The following SPP1 variants were observed in gnomAD, a reference collection of about 807,000 sequenced individuals.
SPP1 encodes the protein osteopontin.
A neutral mutation model predicts 20.8 loss-of-function variants in SPP1; 18 were observed. The ratio of observed to expected loss-of-function variants is 0.87; its 90% CI spans 0.60 to 1.29. SPP1 has a LOEUF of 1.29. SPP1 is among the 50% of genes most tolerant of loss of function. SPP1 has a pLI of 0.00. For synonymous variants in SPP1, 146 were observed against 141.5 expected, an observed-to-expected ratio of 1.03 and a Z score of -0.23; for missense variants, 363 against 389.0, an observed-to-expected ratio of 0.93 and a Z score of 0.56.
chr4:87,982,920 A>C lies in SPP1; in HGVS notation c.*24A>C. The C allele has an allele frequency of 6.4e-7, 1 of 1,560,248 alleles. No individual in the cohort carries two copies. The highest frequency in any genetic ancestry group is 8.6e-7 in the Non-Finnish European group (1 of 1,156,676). On this transcript the variant is annotated 3_prime_UTR_variant, in exon 7 of 7. Transcript: ENST00000395080. ...AAAAGGAGAAAAAATACAATTTCTC[A>C]CTTTGCATTTAGTCAAAAGAAAAAA...
At position 87,980,404 on chromosome 4, in the gene SPP1, C is replaced by A; in HGVS notation, c.186C>A (p.Ser62=). 6.2e-7 allele frequency: 1 copy of A among 1,614,140 alleles called. No individual in the cohort carries two copies. Among genetic ancestry groups the A allele is most frequent in the Non-Finnish European group, 8.5e-7 (1 of 1,180,012 alleles). ...CATTCCTTCTTCAGAATGCTGTGTC[C>A]TCTGAAGAAACCAATGACTTTAAAC... ...QNLLAPQNAV[S]SEETNDFKQE... Residue 62 remains serine, a synonymous_variant, in exon 5 of 7, where the codon TCC becomes TCA. Transcript: ENST00000395080.
In SPP1 at chr4:87,976,959, G is replaced by A. The variant is rs1725403975; in HGVS notation, c.54+10G>A. The A allele has an allele frequency of 1.2e-6, 2 of 1,613,688 alleles. No homozygotes were observed. Among genetic ancestry groups the A allele is most frequent in the Non-Finnish European group, 1.7e-6 (2 of 1,179,642 alleles). On this transcript the variant is annotated intron_variant, in intron 2 of 6. Coordinates refer to ENST00000395080, the MANE Select transcript of SPP1 (RefSeq NM_001040058.2). The stretch of plus-strand genomic sequence containing the variant: ...CACCTGTGCCATACCAGTGAGTACA[G>A]TTGCATCTTAAAGAAAATTCCTGAA...
At chr4:87,980,462 CA>C in intron 5 of SPP1, 28 bp downstream of exon 5, 1 of 1,612,214 alleles carries the variant, frequency 6.2e-7, no homozygotes, top group Admixed American at 1.7e-5. Context: ...ATCAGAGGCC[CA>C]TCATGCCTTG....
At position 87,982,570 on chromosome 4, in the gene SPP1, G is replaced by T. The variant is rs753015454; in HGVS notation, c.619G>T (p.Val207Phe). 2.5e-6 allele frequency: 4 copies of T among 1,614,066 alleles called. No individual in the cohort carries two copies. The highest frequency in any genetic ancestry group is 3.4e-6 in the Non-Finnish European group (4 of 1,180,006). The part of the protein sequence containing the change: ...ELNGAYKAIP[V>F]AQDLNAPSDW... ...GAATGGTGCATACAAGGCCATCCCC[G>T]TTGCCCAGGACCTGAACGCGCCTTC... The change falls in exon 7 of 7, where the codon GTT becomes TTT. Residue 207 changes from valine to phenylalanine, a missense_variant. Val to Phe is a conservative substitution (Grantham distance 50). Coordinates refer to ENST00000395080, the MANE Select transcript of SPP1 (RefSeq NM_001040058.2).
At position 87,977,032 on chromosome 4, in the gene SPP1, T is replaced by A. The variant is rs190195138; in HGVS notation, c.55-27T>A. 137 of 1,614,028 alleles carry A rather than the reference T, an allele frequency of 8.5e-5. No individual in the cohort carries two copies. The African/African-American group carries it at 1.5e-3, about 18-fold the overall frequency. Reference sequence around the variant, plus strand: ...ATGTGCTAGGAGGACATTCTTGTAATCTTTCTTCATCTTTTCTGTTTCTAA... The same window carrying A: ...ATGTGCTAGGAGGACATTCTTGTAAACTTTCTTCATCTTTTCTGTTTCTAA... On this transcript the variant is annotated intron_variant, in intron 2 of 6. Transcript: ENST00000395080.
chr4:87,980,503 C>A lies in SPP1; in HGVS notation c.216+69C>A, dbSNP rs371049923. 4 of 1,539,352 alleles carry A rather than the reference C, an allele frequency of 2.6e-6. No individual in the cohort carries two copies. The African/African-American group carries it at 5.5e-5, about 21-fold the overall frequency. On this transcript the variant is annotated intron_variant, in intron 5 of 6. Coordinates refer to ENST00000395080, the MANE Select transcript of SPP1 (RefSeq NM_001040058.2). The stretch of plus-strand genomic sequence containing the variant: ...GATGAAAGAAGGCATTGCCTGGATT[C>A]TCTTCTGATGAAATTTCATTAGCAA...
rs1391795975 is a variant in SPP1, at chr4:87,981,905, G to T, written c.540+107G>T. On this transcript the variant is annotated intron_variant, in intron 6 of 6. Coordinates refer to ENST00000395080, the MANE Select transcript of SPP1 (RefSeq NM_001040058.2). Reference sequence around the variant, plus strand: ...ATTCATCCATTCATTCATCCATTCAGCAAGAATTCATTCATATTCTACTTT... The same window carrying T: ...ATTCATCCATTCATTCATCCATTCATCAAGAATTCATTCATATTCTACTTT... The T allele has an allele frequency of 4.0e-6, 4 of 1,008,006 alleles. No homozygotes were observed. In the South Asian group the frequency reaches 6.6e-5, roughly 17 times the overall value. 62.4% of individuals were successfully genotyped at this position (1,008,006 alleles called of 1,614,324 possible).
At chr4:87,977,637 C>G in intron 3 of SPP1, 1 of 1,104,910 alleles carries the variant, frequency 9.1e-7, no homozygotes, top group Non-Finnish European at 1.1e-6. Flanking sequence ...ACCAACCAAA[C>G]TCTTTATTAT....
intron 5 of SPP1, 134 bp downstream of exon 5, chr4:87,980,568 T>TA: frequency 2.4e-6 from 2 of 849,686 alleles, no homozygotes; most frequent in Non-Finnish European, 3.7e-6. Flanking sequence ...TGCTCATAAA[T>TA]AAAACATGTA....
chr4:87,978,379 T>C lies in SPP1; in HGVS notation c.93+1282T>C, dbSNP rs74550488. ...CTGAACTCATCTGGTCTCACTGTTT[T>C]TCCGCCTTCTTTTTTTTTTTTTTTT... On this transcript the variant is annotated intron_variant, in intron 3 of 6. Transcript: ENST00000395080. 8.2e-3 allele frequency among the ~76,000 whole-genome samples: 1,241 copies of C among 151,334 alleles called. 18 individuals are homozygous for C. Among genetic ancestry groups the C allele is most frequent in the African/African-American group, 0.028 (1,156 of 41,152 alleles).
intron 3 of SPP1, among the ~76,000 whole-genome samples, chr4:87,978,515 T>C (rs566282364): frequency 6.6e-6 from 1 of 150,614 alleles, no homozygotes; most frequent in Non-Finnish European, 1.5e-5. Flanking sequence ...CCTGAGTAGC[T>C]GGGACTACAG....
chr4:87,977,989 A>G, intron 3 of SPP1: 1 of 442,538 alleles, frequency 2.3e-6, no homozygotes, highest in Non-Finnish European at 3.1e-6. Flanking sequence ...TATTTGAGGC[A>G]AGAATTAGCG....
At chr4:87,977,988 C>T (rs896718105) in intron 3 of SPP1, 5 of 439,138 alleles carry the variant, frequency 1.1e-5, no homozygotes, top group Non-Finnish European at 1.6e-5. Context: ...CTATTTGAGG[C>T]AAGAATTAGC....
At chr4:87,978,785 C>G (rs1379702349) in intron 3 of SPP1, among the ~76,000 whole-genome samples, 1 of 152,156 alleles carries the variant, frequency 6.6e-6, no homozygotes, top group Non-Finnish European at 1.5e-5. Context: ...GAGAGAAACT[C>G]CAAGTACTTC....
In SPP1 at chr4:87,982,767, A is replaced by G. The variant is rs1290288759; in HGVS notation, c.816A>G (p.Glu272=). The change falls in exon 7 of 7, where the codon GAA becomes GAG. Residue 272 remains glutamate, a synonymous_variant. Coordinates refer to ENST00000395080, the MANE Select transcript of SPP1 (RefSeq NM_001040058.2). ...DSQELSKVSR[E]FHSHEFHSHE... ...AGGAACTTTCCAAAGTCAGCCGTGA[A>G]TTCCACAGCCATGAATTTCACAGCC... The G allele has an allele frequency of 6.2e-7, 1 of 1,614,078 alleles. No individual in the cohort carries two copies. The highest frequency in any genetic ancestry group is 8.5e-7 in the Non-Finnish European group (1 of 1,180,040).
In SPP1 at chr4:87,982,527, C is replaced by T. The variant is rs767926035; in HGVS notation, c.576C>T (p.His192=). Residue 192 remains histidine (H), a synonymous_variant, in exon 7 of 7, where the codon CAC becomes CAT. Coordinates refer to ENST00000395080, the MANE Select transcript of SPP1 (RefSeq NM_001040058.2). The part of the protein sequence containing the change: ...PDATDEDITS[H]MESEELNGAY... ...CTACAGACGAGGACATCACCTCACA[C>T]ATGGAAAGCGAGGAGTTGAATGGTG... The T allele has an allele frequency of 4.3e-6, 7 of 1,614,128 alleles. No homozygotes were observed. The highest frequency in any genetic ancestry group is 5.9e-6 in the Non-Finnish European group (7 of 1,180,006).
At chr4:87,977,467 A>G (rs898485076) in intron 3 of SPP1, among the ~76,000 whole-genome samples, 1 of 152,234 alleles carries the variant, frequency 6.6e-6, no homozygotes, top group Admixed American at 6.5e-5. Flanking sequence ...TAAAATTCAC[A>G]TTGGATATTA....
rs1725584062 is a variant in SPP1 at position 87,980,120 on chromosome 4, C to T, written c.168C>T (p.Ala56=). 1.9e-6 allele frequency: 3 copies of T among 1,614,072 alleles called. No individual in the cohort carries two copies. The highest frequency in any genetic ancestry group is 2.5e-6 in the Non-Finnish European group (3 of 1,180,010). Reference sequence around the variant, plus strand: ...CATCTCAGAAGCAGAATCTCCTAGCCCCACAGGTATTTTTAAACTTCTCAT... The same window carrying T: ...CATCTCAGAAGCAGAATCTCCTAGCTCCACAGGTATTTTTAAACTTCTCAT... ...PDPSQKQNLL[A]PQNAVSSEET... The change falls in exon 4 of 7, where the codon GCC becomes GCT. Residue 56 remains alanine, a synonymous_variant. Transcript: ENST00000395080.
intron 3 of SPP1, among the ~76,000 whole-genome samples, chr4:87,977,329 C>T (rs1725420229): frequency 6.6e-6 from 1 of 152,100 alleles, no homozygotes; most frequent in Non-Finnish European, 1.5e-5. Context: ...AATATCTAGG[C>T]ATGTATGATG....
Sources: allele counts gnomAD v4.1 joint callset (sites outside exome capture counted in the v4.1 genomes callset), GRCh38; gene constraint gnomAD v4.1.1; transcripts MANE v1.5; gene names NCBI Gene and HGNC (gene_info 2026-07-23, HGNC 2026-07-21).